HRH2: variants seen among roughly 807,000 people sequenced by gnomAD.
HRH2 encodes histamine receptor H2, also known as histamine H2 receptor.
HRH2 carries 4 observed loss-of-function variants against 20.1 expected under a neutral mutation model. The observed-to-expected ratio is 0.20, with a 90% CI of 0.10 to 0.45. HRH2 has a LOEUF of 0.45. HRH2 is among the 20% of genes least tolerant of loss of function. HRH2 has a pLI of 0.99. For synonymous variants in HRH2, 197 were observed against 200.7 expected (o/e 0.98, Z 0.16); for missense variants, 250 against 461.6 (o/e 0.54, Z 4.20).
intron 1 of HRH2, among the ~76,000 whole-genome samples, chr5:175,668,751 C>G (rs377687361): frequency 6.6e-6 from 1 of 151,966 alleles, no homozygotes; most frequent in African/African-American, 2.4e-5. Flanking sequence ...TCGCGTGCTC[C>G]CAGAAGCAGA....
At position 175,677,459 on chromosome 5, in the gene HRH2, G is replaced by A. The variant is rs1238626037; in HGVS notation, c.-525-5250G>A. On this transcript the variant is annotated intron_variant, in intron 1 of 2. Transcript: ENST00000636584. This position sits in a 1 kb window ranked among gnomAD's most constrained non-coding sequence, Gnocchi z 4.2. ...GTTAAGTGGGAAGAAAGGGCTCCCT[G>A]GGAAGGCCAGGGATCATTTCAGCTC... Among the ~76,000 whole-genome samples the A allele has an allele frequency of 6.6e-6, 1 of 152,204 alleles. No homozygotes were observed. The highest frequency in any genetic ancestry group is 1.5e-5 in the Non-Finnish European group (1 of 68,022).
At chr5:175,670,712 T>C (rs1481596613) in intron 1 of HRH2, among the ~76,000 whole-genome samples, 1 of 152,198 alleles carries the variant, frequency 6.6e-6, no homozygotes, top group Non-Finnish European at 1.5e-5. Context: ...CCCTCAAGAC[T>C]CTTGAGCCCA....
chr5:175,674,846 C>T lies in HRH2; in HGVS notation c.-525-7863C>T, dbSNP rs35900248. On this transcript the variant is annotated intron_variant, in intron 1 of 2. Coordinates refer to ENST00000636584, the MANE Select transcript of HRH2 (RefSeq NM_001367711.1). ...GTCTTTTCCTGCCTATGGGCTTTGA[C>T]CAAATGTCCTGCCAGGAAGGAGTTA... Among the ~76,000 whole-genome samples, 119 of 152,318 alleles carry T rather than the reference C, an allele frequency of 7.8e-4. 1 individual carries two copies. The highest frequency in any genetic ancestry group is 2.1e-3 in the East Asian group (11 of 5,180).
At chr5:175,659,710 A>AT (rs1011503446) in intron 1 of HRH2, among the ~76,000 whole-genome samples, 2 of 152,154 alleles carry the variant, frequency 1.3e-5, no homozygotes, top group African/African-American at 2.4e-5. Context: ...ATATGACTGT[A>AT]TAAGTTGCGG....
chr5:175,671,510 GGA>G (rs1231096327), intron 1 of HRH2, among the ~76,000 whole-genome samples: 6 of 152,164 alleles, frequency 3.9e-5, no homozygotes, highest in Non-Finnish European at 8.8e-5. Context: ...TACTGATGGT[GGA>G]GGTGATGGTG....
chr5:175,682,032 G>A (rs1224334340), intron 1 of HRH2, among the ~76,000 whole-genome samples: 2 of 152,238 alleles, frequency 1.3e-5, no homozygotes, highest in African/African-American at 2.4e-5. Context: ...TTTATGACAC[G>A]TGAAAATGAT....
chr5:175,670,131 A>G (rs981411150), intron 1 of HRH2, among the ~76,000 whole-genome samples: 10 of 152,194 alleles, frequency 6.6e-5, no homozygotes, highest in African/African-American at 2.4e-4. Flanking sequence ...ACAGGTGGGA[A>G]CGAGGGCCAG....
intron 2 of HRH2, 51 bp downstream of exon 2, chr5:175,684,360 C>A (rs779864396): frequency 1.7e-5 from 27 of 1,580,696 alleles, no homozygotes; most frequent in Non-Finnish European, 1.7e-6. Context: ...GGAGGGGATG[C>A]TACTGATGGG....
intron 2 of HRH2, among the ~76,000 whole-genome samples, chr5:175,697,329 G>A (rs1464381384): frequency 6.6e-6 from 1 of 151,776 alleles, no homozygotes; most frequent in Non-Finnish European, 1.5e-5. Flanking sequence ...CGGGCGTGGT[G>A]GTGGGCGCCT....
chr5:175,686,882 C>T lies in HRH2; in HGVS notation c.1076+2573C>T, dbSNP rs1173580659. Reference sequence around the variant, plus strand: ...GCGATCTGAGCAACAACAGAAATAGCAGCGCCTGCCGCAGACTGTCCTCCA... The same window carrying T: ...GCGATCTGAGCAACAACAGAAATAGTAGCGCCTGCCGCAGACTGTCCTCCA... On this transcript the variant is annotated intron_variant, in intron 2 of 2. Transcript: ENST00000636584. The surrounding 1 kb of genome is among the most constrained non-coding windows in gnomAD (Gnocchi z 4.7). 2.0e-5 allele frequency among the ~76,000 whole-genome samples: 3 copies of T among 152,212 alleles called. No individual in the cohort carries two copies. Among genetic ancestry groups the T allele is most frequent in the Non-Finnish European group, 2.9e-5 (2 of 68,042 alleles).
chr5:175,700,019 A>G (rs1218202125), intron 2 of HRH2, among the ~76,000 whole-genome samples: 1 of 152,122 alleles, frequency 6.6e-6, no homozygotes, highest in African/African-American at 2.4e-5. Context: ...AGATGTGGAG[A>G]GGGACTGAAG....
At chr5:175,663,269 C>T (rs769096552) in intron 1 of HRH2, among the ~76,000 whole-genome samples, 6 of 152,188 alleles carry the variant, frequency 3.9e-5, no homozygotes, top group Admixed American at 3.9e-4. Flanking sequence ...AAAGAGGTTG[C>T]ACTGTCTTAC....
chr5:175,669,806 C>T (rs936673237), intron 1 of HRH2, among the ~76,000 whole-genome samples: 1 of 152,190 alleles, frequency 6.6e-6, no homozygotes, highest in African/African-American at 2.4e-5. Flanking sequence ...CTTCAAGATG[C>T]CTTTGTCCCA....
chr5:175,698,270 C>T (rs889374683), intron 2 of HRH2, among the ~76,000 whole-genome samples: 4 of 152,212 alleles, frequency 2.6e-5, no homozygotes, highest in African/African-American at 4.8e-5. Flanking sequence ...CCGTATCCCT[C>T]GTATTATCCG....
intron 1 of HRH2, among the ~76,000 whole-genome samples, chr5:175,667,643 T>C (rs1299891228): frequency 6.6e-6 from 1 of 152,178 alleles, no homozygotes; most frequent in Non-Finnish European, 1.5e-5. Flanking sequence ...ATTGTCTCCT[T>C]ACAATTTGAA....
chr5:175,696,009 C>T (rs1441759886), intron 2 of HRH2, among the ~76,000 whole-genome samples: 1 of 152,238 alleles, frequency 6.6e-6, no homozygotes, highest in Non-Finnish European at 1.5e-5. Flanking sequence ...CTGCTAAATG[C>T]CCAGGGGCAA....
In HRH2 at chr5:175,681,988, T is replaced by C. The variant is rs1440490706; in HGVS notation, c.-525-721T>C. On this transcript the variant is annotated intron_variant, in intron 1 of 2. Coordinates refer to ENST00000636584, the MANE Select transcript of HRH2 (RefSeq NM_001367711.1). This position sits in a 1 kb window ranked among gnomAD's most constrained non-coding sequence, Gnocchi z 4.3. ...GTGGCTAAGAATGGTTTTTACATTT[T>C]TAAATTTTGGAAAAAAATCAAAAAA... Among the ~76,000 whole-genome samples the C allele has an allele frequency of 1.3e-5, 2 of 152,250 alleles. No individual in the cohort carries two copies. Among genetic ancestry groups the C allele is most frequent in the Non-Finnish European group, 2.9e-5 (2 of 68,040 alleles).
rs553896235 is a variant in HRH2 at position 175,703,904 on chromosome 5, A to T, written c.1077-3875A>T. 26 of 152,310 alleles carry T rather than the reference A, an allele frequency of 1.7e-4. No homozygotes were observed. In the East Asian group the frequency reaches 4.4e-3, roughly 26 times the overall value. 9.4% of individuals were successfully genotyped at this position (152,310 alleles called of 1,614,324 possible). On this transcript the variant is annotated intron_variant, in intron 2 of 2. Coordinates refer to ENST00000636584, the MANE Select transcript of HRH2 (RefSeq NM_001367711.1). The stretch of plus-strand genomic sequence containing the variant: ...TAAAAATAAATAAAATGGCAGGCTC[A>T]CTTTGGCAGCTCATACACTAAAACT...
At position 175,677,858 on chromosome 5, in the gene HRH2, C is replaced by T. The variant is rs1296613118; in HGVS notation, c.-525-4851C>T. ...AGGGACCCTGCGCCACTTTTCCCGC[C>T]TTCCAATCACATCACCCTCTGCTCG... On this transcript the variant is annotated intron_variant, in intron 1 of 2. Coordinates refer to ENST00000636584, the MANE Select transcript of HRH2 (RefSeq NM_001367711.1). The surrounding 1 kb of genome is among the most constrained non-coding windows in gnomAD (Gnocchi z 4.2). Among the ~76,000 whole-genome samples the T allele has an allele frequency of 6.6e-6, 1 of 152,204 alleles. No homozygotes were observed. The highest frequency in any genetic ancestry group is 1.9e-4 in the East Asian group (1 of 5,178).
Sources: allele counts gnomAD v4.1 joint callset (sites outside exome capture counted in the v4.1 genomes callset), GRCh38; gene constraint gnomAD v4.1.1; non-coding constraint Gnocchi (gnomAD v3.1); transcripts MANE v1.5; gene names NCBI Gene and HGNC (gene_info 2026-07-23, HGNC 2026-07-21).